Variants in NLGN1 observed in about 807,000 individuals in gnomAD.
The protein encoded by NLGN1 is neuroligin-1.
A neutral mutation model predicts 65.5 loss-of-function variants in NLGN1; 12 were observed. The ratio of observed to expected loss-of-function variants is 0.18; its 90% CI spans 0.12 to 0.30. The LOEUF (loss-of-function observed/expected upper bound fraction) is 0.30, where lower values mean the gene tolerates loss of function less well. NLGN1 is among the 10% of genes least tolerant of loss of function. The pLI, the probability that NLGN1 is intolerant of heterozygous loss-of-function variation, is 1.00. For missense variants in NLGN1, 750 were observed against 1,007.1 expected (o/e 0.74, Z 3.46); for synonymous variants, 350 against 359.5 (o/e 0.97, Z 0.30).
intron 4 of NLGN1, among the ~76,000 whole-genome samples, chr3:173,902,908 G>A (rs1737639206): frequency 6.6e-6 from 1 of 152,080 alleles, no homozygotes; most frequent in South Asian, 2.1e-4. Flanking sequence ...CTTAGTACTT[G>A]TATTAAAGAG....
At chr3:174,037,721 A>G (rs1560896266) in intron 4 of NLGN1, among the ~76,000 whole-genome samples, 2 of 152,210 alleles carry the variant, frequency 1.3e-5, no homozygotes, top group Admixed American at 6.5e-5. Context: ...ATACATCACT[A>G]ATGCTATTTT....
At chr3:173,584,094 A>G (rs1287609890) in intron 2 of NLGN1, among the ~76,000 whole-genome samples, 1 of 151,968 alleles carries the variant, frequency 6.6e-6, no homozygotes, top group Non-Finnish European at 1.5e-5. Flanking sequence ...AATAGAATCC[A>G]GAGGAGACAG....
intron 4 of NLGN1, among the ~76,000 whole-genome samples, chr3:174,142,616 G>A (rs1722509849): frequency 6.6e-6 from 1 of 152,034 alleles, no homozygotes; most frequent in South Asian, 2.1e-4. Context: ...GAGGTAGAAT[G>A]AGCTTGGCGT....
intron 2 of NLGN1, among the ~76,000 whole-genome samples, chr3:173,568,439 G>A (rs2149321678): frequency 6.6e-6 from 1 of 152,132 alleles, no homozygotes; most frequent in African/African-American, 2.4e-5. Context: ...TTGCCATGTT[G>A]GCCAGGCTGC....
At chr3:174,216,469 T>C (rs1457236317) in intron 4 of NLGN1, among the ~76,000 whole-genome samples, 2 of 152,106 alleles carry the variant, frequency 1.3e-5, no homozygotes, top group Non-Finnish European at 2.9e-5. Context: ...TGCAAGGTGC[T>C]GAAGATTCAA....
intron 2 of NLGN1, among the ~76,000 whole-genome samples, chr3:173,511,402 A>G (rs1055181665): frequency 6.6e-6 from 1 of 152,120 alleles, no homozygotes; most frequent in Non-Finnish European, 1.5e-5. Flanking sequence ...CCCAAAGTCC[A>G]TTGTTAACAT....
intron 4 of NLGN1, among the ~76,000 whole-genome samples, chr3:174,121,462 T>A (rs923935274): frequency 2.0e-5 from 3 of 151,560 alleles, no homozygotes; most frequent in Admixed American, 2.0e-4. Flanking sequence ...GGGTCCACAT[T>A]TGTATTCTAG....
intron 3 of NLGN1, among the ~76,000 whole-genome samples, chr3:173,728,643 G>C (rs988394106): frequency 6.6e-6 from 1 of 152,020 alleles, no homozygotes; most frequent in African/African-American, 2.4e-5. Flanking sequence ...TCCAAAGACT[G>C]GTATCTTTGT....
At chr3:173,748,265 G>A (rs1775814895) in intron 3 of NLGN1, among the ~76,000 whole-genome samples, 1 of 152,100 alleles carries the variant, frequency 6.6e-6, no homozygotes, top group Non-Finnish European at 1.5e-5. Flanking sequence ...ATAGATAACA[G>A]TTGATCCCTT....
intron 4 of NLGN1, among the ~76,000 whole-genome samples, chr3:174,013,312 T>G (rs1026172725): frequency 2.0e-5 from 3 of 152,204 alleles, no homozygotes; most frequent in Non-Finnish European, 4.4e-5. Flanking sequence ...AAGGTTCTAC[T>G]GTTGCATGAT....
In NLGN1 at chr3:174,103,194, C is replaced by T. The variant is rs147974935; in HGVS notation, c.647-172121C>T. Among the ~76,000 whole-genome samples, 628 of 152,164 alleles carry T rather than the reference C, an allele frequency of 4.1e-3. 3 individuals carry two copies. Among genetic ancestry groups the T allele is most frequent in the Non-Finnish European group, 7.2e-3 (488 of 68,002 alleles). ...ATTGCATTTTTCTACATAGAAGTTC[C>T]GTGTGTCACATTCATTGAAATGTTT... is the stretch of plus-strand genomic sequence containing the variant. On this transcript the variant is annotated intron_variant, in intron 4 of 6. Transcript: ENST00000457714.
At chr3:174,049,920 G>T (rs964696605) in intron 4 of NLGN1, among the ~76,000 whole-genome samples, 3 of 151,962 alleles carry the variant, frequency 2.0e-5, no homozygotes, top group African/African-American at 7.2e-5. Context: ...AATAGATGAG[G>T]ATAATGCGTT....
intron 2 of NLGN1, among the ~76,000 whole-genome samples, chr3:173,561,125 G>C (rs1334797687): frequency 6.6e-6 from 1 of 152,144 alleles, no homozygotes; most frequent in Non-Finnish European, 1.5e-5. Context: ...CTGGGCATAA[G>C]ATTTCTGACA....
intron 1 of NLGN1, among the ~76,000 whole-genome samples, chr3:173,409,801 A>G (rs534762840): frequency 1.3e-5 from 2 of 152,344 alleles, no homozygotes; most frequent in African/African-American, 2.4e-5. Flanking sequence ...AGAATGAAAC[A>G]TAAAAAAGAC....
At chr3:174,095,238 C>T (rs1457910328) in intron 4 of NLGN1, among the ~76,000 whole-genome samples, 1 of 146,770 alleles carries the variant, frequency 6.8e-6, no homozygotes, top group Admixed American at 6.7e-5. Flanking sequence ...AAAAAAAAAC[C>T]ATAAAGTTGC....
At chr3:173,419,652 T>C (rs1714597969) in intron 1 of NLGN1, among the ~76,000 whole-genome samples, 1 of 152,126 alleles carries the variant, frequency 6.6e-6, no homozygotes, top group African/African-American at 2.4e-5. Context: ...TGTTGTCTGA[T>C]TCAAAGTCTG....
At chr3:173,844,498 G>A (rs550671005) in intron 4 of NLGN1, among the ~76,000 whole-genome samples, 1 of 152,232 alleles carries the variant, frequency 6.6e-6, no homozygotes, top group East Asian at 1.9e-4. Flanking sequence ...AGTTTGATAA[G>A]GGAATGCATA....
intron 4 of NLGN1, among the ~76,000 whole-genome samples, chr3:174,217,583 A>T (rs1340795364): frequency 6.6e-6 from 1 of 152,062 alleles, no homozygotes; most frequent in Non-Finnish European, 1.5e-5. Context: ...CCCTTTTATA[A>T]GAGCTCTAAT....
At chr3:173,734,143 AT>A (rs1463741344) in intron 3 of NLGN1, among the ~76,000 whole-genome samples, 1 of 151,812 alleles carries the variant, frequency 6.6e-6, no homozygotes, top group Non-Finnish European at 1.5e-5. Context: ...TTATAATTAC[AT>A]TTTTTCATTT....
Sources: gnomAD v4.1 joint callset for allele counts (sites outside exome capture counted in the v4.1 genomes callset) on GRCh38, gnomAD v4.1.1 for gene constraint, MANE v1.5 for transcripts, NCBI Gene and HGNC (gene_info 2026-07-23, HGNC 2026-07-21) for gene names.